Variants in WDTC1 observed in about 807,000 individuals in gnomAD.
The protein encoded by WDTC1 is WD and tetratricopeptide repeats protein 1.
In WDTC1, 12 loss-of-function variants were observed where a neutral mutation model predicts 76.0. The ratio of observed to expected loss-of-function variants is 0.16; its 90% CI spans 0.10 to 0.26. WDTC1 has a LOEUF of 0.26. Among genes scored for constraint, WDTC1 ranks in the 10% least tolerant of loss-of-function variants. The probability of loss-of-function intolerance (pLI) is 1.00; values close to 1 mark genes in which losing one functional copy is unlikely to be tolerated. For missense variants in WDTC1, 511 were observed against 908.8 expected (o/e 0.56, Z 5.63); for synonymous variants, 326 against 350.8 (o/e 0.93, Z 0.79).
intron 3 of WDTC1, among the ~76,000 whole-genome samples, chr1:27,279,898 T>C (rs1484083183): frequency 6.6e-6 from 1 of 152,220 alleles, no homozygotes; most frequent in Non-Finnish European, 1.5e-5. Flanking sequence ...CTTGGTGCAA[T>C]GGAAAAGACA....
At chr1:27,296,178 G>A in intron 9 of WDTC1, 148 bp from the exon 10 acceptor site, 1 of 934,400 alleles carries the variant, frequency 1.1e-6, no homozygotes, top group Non-Finnish European at 1.7e-6. Context: ...TTTGCTGGAA[G>A]TACCTCTTAG....
At chr1:27,284,941 T>G (rs1032353115) in intron 5 of WDTC1, among the ~76,000 whole-genome samples, 2 of 151,942 alleles carry the variant, frequency 1.3e-5, no homozygotes, top group African/African-American at 2.4e-5. Context: ...TGCTGTGCAT[T>G]GAGTGTATGC....
chr1:27,261,984 C>T (rs1435888102), intron 2 of WDTC1, among the ~76,000 whole-genome samples: 1 of 151,508 alleles, frequency 6.6e-6, no homozygotes, highest in Non-Finnish European at 1.5e-5. Context: ...GGCTGGAGTG[C>T]AGTGGTGTGA....
intron 3 of WDTC1, among the ~76,000 whole-genome samples, chr1:27,281,413 C>T (rs1360079111): frequency 2.0e-5 from 3 of 146,674 alleles, no homozygotes; most frequent in Admixed American, 6.8e-5. Context: ...GAGATCATGC[C>T]ACTGCACTCC....
intron 1 of WDTC1, among the ~76,000 whole-genome samples, chr1:27,250,115 T>C (rs976985268): frequency 6.6e-6 from 1 of 152,216 alleles, no homozygotes; most frequent in Non-Finnish European, 1.5e-5. Flanking sequence ...TACCAGGTTT[T>C]AGTAGAATTC....
chr1:27,301,536 G>T lies in WDTC1; in HGVS notation c.1468+75G>T, dbSNP rs1017399790. 2 of 1,529,704 alleles carry T rather than the reference G, an allele frequency of 1.3e-6. No homozygotes were observed. Among genetic ancestry groups the T allele is most frequent in the African/African-American group, 1.4e-5 (1 of 73,272 alleles). 94.8% of individuals were successfully genotyped at this position (1,529,704 alleles called of 1,614,324 possible). On this transcript the variant is annotated intron_variant, in intron 13 of 15. Coordinates refer to ENST00000319394, the MANE Select transcript of WDTC1 (RefSeq NM_001276252.2). This position sits in a 1 kb window ranked among gnomAD's most constrained non-coding sequence, Gnocchi z 5.8. ...CTGCATGACATTCTGGAGAGGTCAT[G>T]GTTCTGGGATTGGAGAGGCCTGGGT... is the stretch of plus-strand genomic sequence containing the variant.
At chr1:27,268,511 C>G (rs545027788) in intron 3 of WDTC1, among the ~76,000 whole-genome samples, 3 of 151,904 alleles carry the variant, frequency 2.0e-5, no homozygotes, top group Admixed American at 6.6e-5. Context: ...CTCCGCCTCC[C>G]AGGTTCAAGT....
At chr1:27,247,740 T>C (rs2011894792) in intron 1 of WDTC1, among the ~76,000 whole-genome samples, 1 of 149,692 alleles carries the variant, frequency 6.7e-6, no homozygotes, top group Non-Finnish European at 1.5e-5. Context: ...CTTTGTGAGA[T>C]GGAGTTTCAC....
chr1:27,262,962 T>G (rs2012531260), intron 2 of WDTC1, among the ~76,000 whole-genome samples, 190 bp from the exon 3 acceptor site: 1 of 152,210 alleles, frequency 6.6e-6, no homozygotes, highest in Non-Finnish European at 1.5e-5. Flanking sequence ...ACTTAGTGCT[T>G]AATTATATAC....
chr1:27,286,098 C>CGGCTTCAAG (rs1452661973), intron 5 of WDTC1, among the ~76,000 whole-genome samples: 1 of 149,344 alleles, frequency 6.7e-6, no homozygotes, highest in African/African-American at 2.5e-5. Context: ...CTCCACCTCC[C>CGGCTTCAAG]GGCTTCAAGT....
At chr1:27,279,644 G>A (rs1429127829) in intron 3 of WDTC1, among the ~76,000 whole-genome samples, 1 of 152,106 alleles carries the variant, frequency 6.6e-6, no homozygotes, top group Non-Finnish European at 1.5e-5. Context: ...ATGGCTCACT[G>A]TAGCCTCCAC....
At position 27,294,527 on chromosome 1, in the gene WDTC1, G is replaced by C. The variant is rs2013630208; in HGVS notation, c.771G>C (p.Val257=). Residue 257 remains valine (V), a synonymous_variant, in exon 9 of 16, where the codon GTG becomes GTC. Transcript: ENST00000319394. ...AQYYVAGHLP[V]KLPDYNNRLR... Reference sequence around the variant, plus strand: ...TATTCCCTGCAGGTCACCTGCCAGTGAAGCTTCCTGACTACAACAACCGTT... The same window carrying C: ...TATTCCCTGCAGGTCACCTGCCAGTCAAGCTTCCTGACTACAACAACCGTT... The C allele has an allele frequency of 1.9e-6, 3 of 1,614,074 alleles. No individual in the cohort carries two copies. In the African/African-American group the frequency reaches 4.0e-5, roughly 22 times the overall value.
At chr1:27,260,100 G>GT (rs199877849) in intron 1 of WDTC1, among the ~76,000 whole-genome samples, 3 of 151,866 alleles carry the variant, frequency 2.0e-5, no homozygotes, top group East Asian at 3.9e-4. Flanking sequence ...TTTTGTTTTT[G>GT]TTTTTTTGTT....
chr1:27,271,211 T>C (rs962319654), intron 3 of WDTC1, among the ~76,000 whole-genome samples: 2 of 152,018 alleles, frequency 1.3e-5, no homozygotes, highest in Non-Finnish European at 2.9e-5. Context: ...GTTTTTACTT[T>C]TATTTATTTT....
Position 27,283,404 on chromosome 1 carries a change from G to T in WDTC1, c.246G>T (p.Leu82=), listed in dbSNP as rs2147962558. The part of the protein sequence containing the change: ...IVWDPLHHKK[L]LSMHTGHTAN... ...GGGACCCGCTGCACCACAAGAAGCTGCTCTCCATGCACACGGGACACACCG... is the reference window on the plus strand; with the variant it reads ...GGGACCCGCTGCACCACAAGAAGCTTCTCTCCATGCACACGGGACACACCG... The change falls in exon 5 of 16, where the codon CTG becomes CTT. Residue 82 remains leucine, a synonymous_variant. Transcript: ENST00000319394. 6.2e-7 allele frequency: 1 copy of T among 1,613,588 alleles called. No homozygotes were observed. The highest frequency in any genetic ancestry group is 2.2e-5 in the East Asian group (1 of 44,882).
chr1:27,248,199 C>G (rs1000388349), intron 1 of WDTC1, among the ~76,000 whole-genome samples: 1 of 152,212 alleles, frequency 6.6e-6, no homozygotes, highest in Non-Finnish European at 1.5e-5. Context: ...AATGGTAGTT[C>G]TGTTTTTAGC....
At chr1:27,304,074 T>C (rs2013896291) in intron 14 of WDTC1, 5 of 378,016 alleles carry the variant, frequency 1.3e-5, no homozygotes, top group Non-Finnish European at 2.4e-5. Context: ...CCCACCTCCT[T>C]CTCCCTCTGT....
chr1:27,251,506 C>T (rs558560652), intron 1 of WDTC1, among the ~76,000 whole-genome samples: 50 of 152,182 alleles, frequency 3.3e-4, no homozygotes, highest in African/African-American at 1.1e-3. Context: ...TAGAGCTGGT[C>T]CACAATATCC....
At chr1:27,254,981 T>C (rs2012227528) in intron 1 of WDTC1, among the ~76,000 whole-genome samples, 1 of 152,078 alleles carries the variant, frequency 6.6e-6, no homozygotes, top group Non-Finnish European at 1.5e-5. Context: ...TGATCCCAAC[T>C]TCCATTTTAC....
Sources: allele counts gnomAD v4.1 joint callset (sites outside exome capture counted in the v4.1 genomes callset), GRCh38; gene constraint gnomAD v4.1.1; non-coding constraint Gnocchi (gnomAD v3.1); transcripts MANE v1.5; gene names NCBI Gene and HGNC (gene_info 2026-07-23, HGNC 2026-07-21).